Variants in ELP3 observed in about 807,000 individuals in gnomAD.
The protein encoded by ELP3 is elongator acetyltransferase complex subunit 3, also known as elongator complex protein 3.
Under a neutral mutation model 74.9 loss-of-function variants are expected in ELP3, and 56 were observed. The ratio of observed to expected loss-of-function variants is 0.75; its 90% CI spans 0.60 to 0.93. The LOEUF (loss-of-function observed/expected upper bound fraction) is 0.93. ELP3 is among the 40% of genes least tolerant of loss of function. The pLI is 0.00. For missense variants in ELP3, 573 were observed against 686.5 expected, an observed-to-expected ratio of 0.83 and a Z score of 1.85; for synonymous variants, 222 against 239.8, an observed-to-expected ratio of 0.93 and a Z score of 0.68.
intron 3 of ELP3, among the ~76,000 whole-genome samples, chr8:28,106,251 A>G (rs890641364): frequency 3.3e-5 from 5 of 152,240 alleles, no homozygotes; most frequent in African/African-American, 1.2e-4. Context: ...CTTAAGAAAT[A>G]CAGCCTCGGC....
At chr8:28,093,082 C>G, upstream of ELP3, 1 of 1,465,138 alleles carries the variant, frequency 6.8e-7, no homozygotes, top group South Asian at 1.2e-5. Context: ...CGTCGGCTTC[C>G]GGGAAGAGCT....
intron 8 of ELP3, among the ~76,000 whole-genome samples, chr8:28,131,990 A>G (rs1585683572): frequency 1.3e-5 from 2 of 152,228 alleles, no homozygotes; most frequent in African/African-American, 2.4e-5. Flanking sequence ...TGCCATCCCA[A>G]TGCTTTACTT....
chr8:28,106,169 A>G (rs1230378136), intron 3 of ELP3, among the ~76,000 whole-genome samples: 2 of 152,240 alleles, frequency 1.3e-5, no homozygotes, highest in Admixed American at 6.5e-5. Context: ...ATAACTTCAC[A>G]TATATATTAC....
At chr8:28,129,710 C>T (rs767578986) in intron 8 of ELP3, 47 bp downstream of exon 8, 9 of 1,607,744 alleles carry the variant, frequency 5.6e-6, no homozygotes, top group Non-Finnish European at 7.7e-6. Context: ...TCCAAGTTCA[C>T]CATTTTCTCT....
intron 14 of ELP3, among the ~76,000 whole-genome samples, chr8:28,182,181 A>G (rs1035919037): frequency 1.3e-5 from 2 of 151,972 alleles, no homozygotes; most frequent in African/African-American, 4.8e-5. Context: ...GAACTCAGGT[A>G]CCACACAGAC....
At chr8:28,093,644 T>C (rs73226770) in intron 1 of ELP3, 32,851 of 208,486 alleles carry the variant, frequency 0.16, 3,418 homozygotes, top group East Asian at 0.31. Context: ...TATCCTTGGA[T>C]TCAGTGTAAG....
Position 28,186,695 on chromosome 8 carries a change from A to G in ELP3, c.1568-2954A>G, listed in dbSNP as rs929050783. ...GTCCTGCGGTGGCACAGGATAGCAC[A>G]TGGCATCACACAGTGGTAGGGCTGC... is the stretch of plus-strand genomic sequence containing the variant. On this transcript the variant is annotated intron_variant, in intron 14 of 14. Transcript: ENST00000256398. 7.2e-5 allele frequency among the ~76,000 whole-genome samples: 11 copies of G among 152,182 alleles called. No individual in the cohort carries two copies. In the East Asian group the frequency reaches 1.9e-3, roughly 27 times the overall value.
At chr8:28,164,708 A>G (rs2130562980) in intron 14 of ELP3, among the ~76,000 whole-genome samples, 1 of 152,210 alleles carries the variant, frequency 6.6e-6, no homozygotes, top group East Asian at 1.9e-4. Flanking sequence ...TTATTTCTCC[A>G]ATTTAGTAAT....
At chr8:28,162,175 T>G in intron 14 of ELP3, 97 bp downstream of exon 14, 6 of 1,248,976 alleles carry the variant, frequency 4.8e-6, no homozygotes, top group Non-Finnish European at 4.6e-6. Flanking sequence ...TGTTGATGGT[T>G]ATTACGTTCA....
At chr8:28,123,961 T>C (rs944127694) in intron 7 of ELP3, among the ~76,000 whole-genome samples, 2 of 152,214 alleles carry the variant, frequency 1.3e-5, no homozygotes, top group African/African-American at 4.8e-5. Flanking sequence ...TTTTATCCAT[T>C]TTGCTCGTGT....
chr8:28,100,118 G>A, intron 3 of ELP3, 152 bp downstream of exon 3: 2 of 902,568 alleles, frequency 2.2e-6, no homozygotes, highest in Non-Finnish European at 3.3e-6. Context: ...GTGGAGACCT[G>A]TGCTGAATGC....
At chr8:28,135,488 A>T (rs1812950420) in intron 9 of ELP3, among the ~76,000 whole-genome samples, 1 of 152,134 alleles carries the variant, frequency 6.6e-6, no homozygotes, top group Non-Finnish European at 1.5e-5. Flanking sequence ...ACATCCAGAG[A>T]GTAGGGCGGA....
chr8:28,187,505 G>A (rs1163691365), intron 14 of ELP3, among the ~76,000 whole-genome samples: 2 of 152,136 alleles, frequency 1.3e-5, no homozygotes, highest in African/African-American at 2.4e-5. Flanking sequence ...CAGAATAAAA[G>A]CCAGATTCCT....
chr8:28,120,130 A>C (rs573837625), intron 7 of ELP3, among the ~76,000 whole-genome samples: 5 of 152,324 alleles, frequency 3.3e-5, no homozygotes, highest in African/African-American at 1.2e-4. Context: ...TAGAATTGCT[A>C]TGTAAGTTTA....
chr8:28,183,074 C>G (rs1420648048), intron 14 of ELP3: 1 of 453,178 alleles, frequency 2.2e-6, no homozygotes, highest in Non-Finnish European at 4.4e-6. Flanking sequence ...TTTAATGTAA[C>G]CCCTTTCCAT....
chr8:28,099,710 C>A, intron 2 of ELP3, 118 bp from the exon 3 acceptor site: 2 of 1,113,886 alleles, frequency 1.8e-6, no homozygotes, highest in Non-Finnish European at 1.3e-6. Context: ...CTATCCTTGT[C>A]ACGTGGTGAA....
intron 7 of ELP3, among the ~76,000 whole-genome samples, chr8:28,114,180 T>C (rs1342694378): frequency 2.0e-5 from 3 of 146,564 alleles, no homozygotes; most frequent in Admixed American, 1.4e-4. Context: ...TGGAAAGTGG[T>C]GATATTTAGG....
At chr8:28,163,587 C>G (rs528566737) in intron 14 of ELP3, among the ~76,000 whole-genome samples, 2 of 146,814 alleles carry the variant, frequency 1.4e-5, no homozygotes, top group Non-Finnish European at 3.0e-5. Context: ...TATCTTTCAT[C>G]GCACAAAGAG....
intron 14 of ELP3, among the ~76,000 whole-genome samples, chr8:28,162,815 T>C (rs1481833110): frequency 6.6e-6 from 1 of 152,082 alleles, no homozygotes; most frequent in East Asian, 1.9e-4. Flanking sequence ...TAAACGGGAA[T>C]GTTTAGCAAG....
Sources: gnomAD v4.1 joint callset for allele counts (sites outside exome capture counted in the v4.1 genomes callset) on GRCh38, gnomAD v4.1.1 for gene constraint, MANE v1.5 for transcripts, NCBI Gene and HGNC (gene_info 2026-07-23, HGNC 2026-07-21) for gene names.